Variants in ARHGAP42 observed in about 807,000 individuals in gnomAD.
ARHGAP42 encodes the protein rho GTPase-activating protein 42.
A neutral mutation model predicts 125.0 loss-of-function variants in ARHGAP42; 63 were observed. That is an observed-to-expected ratio of 0.50 (90% CI 0.41 to 0.62). ARHGAP42 has a LOEUF of 0.62. Ranked by LOEUF, ARHGAP42 falls within the 20% of genes least tolerant of loss-of-function variation. The pLI is 0.00. For missense variants in ARHGAP42, 766 were observed against 1,024.2 expected (o/e 0.75, Z 3.44); for synonymous variants, 339 against 351.0 (o/e 0.97, Z 0.38).
intron 4 of ARHGAP42, among the ~76,000 whole-genome samples, chr11:100,878,006 G>GAAAAAA (rs35482152): frequency 1.6e-5 from 1 of 64,452 alleles, no homozygotes; most frequent in Non-Finnish European, 3.1e-5. Context: ...CTCTGTCCCA[G>GAAAAAA]AAAAAAAAAA....
At chr11:100,891,583 C>T (rs1375593859) in intron 4 of ARHGAP42, among the ~76,000 whole-genome samples, 5 of 151,826 alleles carry the variant, frequency 3.3e-5, no homozygotes, top group Non-Finnish European at 7.4e-5. Context: ...GCTGGGATTA[C>T]AGGTGCACAC....
chr11:100,917,090 T>TA, intron 5 of ARHGAP42, among the ~76,000 whole-genome samples: 1 of 151,998 alleles, frequency 6.6e-6, no homozygotes, highest in Non-Finnish European at 1.5e-5. Context: ...TTGCAATTCT[T>TA]ACTATCTTCA....
At chr11:100,862,826 TTCGAG>T (rs2135145477) in intron 4 of ARHGAP42, among the ~76,000 whole-genome samples, 1 of 151,290 alleles carries the variant, frequency 6.6e-6, no homozygotes, top group Non-Finnish European at 1.5e-5. Context: ...AGTTCGGGAG[TTCGAG>T]ACCAGCCTTC....
At chr11:100,987,189 C>T (rs1468665869) in intron 22 of ARHGAP42, among the ~76,000 whole-genome samples, 1 of 152,146 alleles carries the variant, frequency 6.6e-6, no homozygotes, top group African/African-American at 2.4e-5. Flanking sequence ...GCTGTAAAAA[C>T]AGCCTATTTA....
chr11:100,855,848 T>G (rs1865311079), intron 3 of ARHGAP42, among the ~76,000 whole-genome samples: 1 of 152,110 alleles, frequency 6.6e-6, no homozygotes, highest in African/African-American at 2.4e-5. Flanking sequence ...GTTTTTTACT[T>G]TAAATGTAAA....
intron 3 of ARHGAP42, among the ~76,000 whole-genome samples, chr11:100,801,706 A>G (rs1209824105): frequency 6.6e-6 from 1 of 152,238 alleles, no homozygotes; most frequent in Non-Finnish European, 1.5e-5. Context: ...AAAATAATGG[A>G]AAGTATGTTT....
chr11:100,779,896 C>T (rs74347244), intron 2 of ARHGAP42, among the ~76,000 whole-genome samples: 20,027 of 151,452 alleles, frequency 0.13, 1,400 homozygotes, highest in African/African-American at 0.16. Flanking sequence ...CATGGTGGCG[C>T]GTGCCTGTTG....
chr11:100,689,688 T>C (rs1328203985), intron 1 of ARHGAP42, among the ~76,000 whole-genome samples: 3 of 152,218 alleles, frequency 2.0e-5, no homozygotes, highest in Non-Finnish European at 4.4e-5. Context: ...TGCACTTAAT[T>C]ATACAACCTG....
At chr11:100,721,843 C>G (rs776602683) in intron 1 of ARHGAP42, among the ~76,000 whole-genome samples, 9 of 152,124 alleles carry the variant, frequency 5.9e-5, no homozygotes, top group Non-Finnish European at 8.8e-5. Flanking sequence ...TATCCATTCA[C>G]TTATTGAAGG....
At chr11:100,723,034 C>A (rs887209720) in intron 1 of ARHGAP42, among the ~76,000 whole-genome samples, 1 of 152,120 alleles carries the variant, frequency 6.6e-6, no homozygotes, top group Non-Finnish European at 1.5e-5. Flanking sequence ...CGTGTTGTTC[C>A]AGCATCATTT....
chr11:100,989,808 T>C lies in ARHGAP42; in HGVS notation c.*1007T>C, dbSNP rs1246633718. 6.6e-6 allele frequency: 1 copy of C among 152,154 alleles called. No homozygotes were observed. The highest frequency in any genetic ancestry group is 1.5e-5 in the Non-Finnish European group (1 of 68,006). 9.4% of individuals were successfully genotyped at this position (152,154 alleles called of 1,614,324 possible). A position where few individuals can be genotyped will look rare whatever the true frequency, so the allele number is the denominator to read the frequency against. On this transcript the variant is annotated 3_prime_UTR_variant, in exon 24 of 24. Coordinates refer to ENST00000298815, the MANE Select transcript of ARHGAP42 (RefSeq NM_152432.4). Reference sequence around the variant, plus strand: ...GGCTTTTGAAATGTTCTTCTACAAATGAAAAAGATGTTTAAAAACGTTACA... The same window carrying C: ...GGCTTTTGAAATGTTCTTCTACAAACGAAAAAGATGTTTAAAAACGTTACA...
At chr11:100,735,771 G>A (rs777269406) in intron 1 of ARHGAP42, among the ~76,000 whole-genome samples, 1 of 152,034 alleles carries the variant, frequency 6.6e-6, no homozygotes, top group Non-Finnish European at 1.5e-5. Flanking sequence ...ACCACGCCCA[G>A]CTAATTTTTT....
chr11:100,704,585 G>A (rs1291754276), intron 1 of ARHGAP42, among the ~76,000 whole-genome samples: 1 of 152,074 alleles, frequency 6.6e-6, no homozygotes, highest in African/African-American at 2.4e-5. Context: ...TGAGTGTGAT[G>A]TTTTGTGATA....
chr11:100,764,729 A>AC (rs1417514090), intron 1 of ARHGAP42, among the ~76,000 whole-genome samples: 1 of 152,222 alleles, frequency 6.6e-6, no homozygotes, highest in Admixed American at 6.5e-5. Context: ...TGGAGTATTT[A>AC]CCCAATTTGC....
intron 4 of ARHGAP42, among the ~76,000 whole-genome samples, chr11:100,864,657 C>T (rs991562508): frequency 1.3e-5 from 2 of 152,146 alleles, no homozygotes; most frequent in East Asian, 1.9e-4. Context: ...TGGGAAGAGA[C>T]GTGGCCCAGT....
intron 1 of ARHGAP42, among the ~76,000 whole-genome samples, chr11:100,748,272 G>C (rs1040054508): frequency 6.6e-6 from 1 of 152,140 alleles, no homozygotes; most frequent in Non-Finnish European, 1.5e-5. Context: ...CAAACAGCTC[G>C]CAGGTTTGAG....
At chr11:100,942,580 A>C (rs1867913850) in intron 9 of ARHGAP42, among the ~76,000 whole-genome samples, 1 of 152,126 alleles carries the variant, frequency 6.6e-6, no homozygotes, top group South Asian at 2.1e-4. Flanking sequence ...TGGGAGTTAC[A>C]CTAGAGATAA....
intron 1 of ARHGAP42, among the ~76,000 whole-genome samples, chr11:100,759,488 T>G (rs1470913095): frequency 6.6e-6 from 1 of 152,140 alleles, no homozygotes; most frequent in East Asian, 1.9e-4. Flanking sequence ...CTGTGTTGGG[T>G]GCAGTAAAGG....
chr11:100,713,916 GTATT>G (rs367892077), intron 1 of ARHGAP42, among the ~76,000 whole-genome samples: 219 of 152,144 alleles, frequency 1.4e-3, no homozygotes, highest in African/African-American at 5.1e-3. Flanking sequence ...GAATTTTACT[GTATT>G]TATCAGTCAT....
Sources: gnomAD v4.1 joint callset for allele counts (sites outside exome capture counted in the v4.1 genomes callset) on GRCh38, gnomAD v4.1.1 for gene constraint, MANE v1.5 for transcripts, NCBI Gene and HGNC (gene_info 2026-07-23, HGNC 2026-07-21) for gene names.